The following CDC73 variants were observed in gnomAD, a reference collection of about 807,000 sequenced individuals.
CDC73 encodes cell division cycle 73, also known as parafibromin.
CDC73 carries 21 observed loss-of-function variants against 83.7 expected under a neutral mutation model. That is an observed-to-expected ratio of 0.25 (90% CI 0.18 to 0.36). The LOEUF is 0.36. Ranked by LOEUF, CDC73 falls within the 10% of genes least tolerant of loss-of-function variation. The probability of loss-of-function intolerance (pLI) is 1.00; values close to 1 mark genes in which losing one functional copy is unlikely to be tolerated. For synonymous variants in CDC73, 224 were observed against 212.9 expected (o/e 1.05, Z -0.45); for missense variants, 342 against 653.3 (o/e 0.52, Z 5.19).
intron 11 of CDC73, among the ~76,000 whole-genome samples, chr1:193,211,007 A>C (rs1310311785): frequency 6.6e-6 from 1 of 152,218 alleles, no homozygotes; most frequent in Non-Finnish European, 1.5e-5. Context: ...CTCTTTTCAC[A>C]GTTATTACAG....
chr1:193,164,074 T>A (rs1310859756), intron 10 of CDC73, among the ~76,000 whole-genome samples: 1 of 152,208 alleles, frequency 6.6e-6, no homozygotes, highest in Non-Finnish European at 1.5e-5. Context: ...CCCAGCCCAG[T>A]ATAGTAGATT....
chr1:193,178,375 T>G (rs74771502), intron 10 of CDC73, among the ~76,000 whole-genome samples: 3,006 of 152,230 alleles, frequency 0.02, 96 homozygotes, highest in African/African-American at 0.068. Context: ...CTGTTATCTG[T>G]TTTTCATGAG....
chr1:193,212,602 C>T, intron 13 of CDC73, 125 bp downstream of exon 13: 2 of 566,434 alleles, frequency 3.5e-6, no homozygotes, highest in South Asian at 3.1e-5. Context: ...ATAGGCCTTA[C>T]ACATAGTATG....
At position 193,122,101 on chromosome 1, in the gene CDC73, CGAA is replaced by C. The variant is rs1675458427; in HGVS notation, c.-98_-96del. 6 of 1,205,248 alleles carry C rather than the reference CGAA, an allele frequency of 5.0e-6. No homozygotes were observed. The South Asian group carries it at 7.5e-5, about 15-fold the overall frequency. 74.7% of individuals were successfully genotyped at this position (1,205,248 alleles called of 1,614,324 possible). A position where few individuals can be genotyped will look rare whatever the true frequency, so the allele number is the denominator to read the frequency against. On this transcript the variant is annotated 5_prime_UTR_variant, in exon 1 of 17. Coordinates refer to ENST00000367435, the MANE Select transcript of CDC73 (RefSeq NM_024529.5). ...TGCTGCTGTTGGTTCGTCGCGGCGG[CGAA>C]GGAGGAGGAGGAAGAGGGCGAGGCG...
At chr1:193,194,704 A>G (rs1018415273) in intron 10 of CDC73, among the ~76,000 whole-genome samples, 5 of 152,146 alleles carry the variant, frequency 3.3e-5, no homozygotes, top group African/African-American at 9.6e-5. Flanking sequence ...AAACATTTCA[A>G]CTACATTCAC....
intron 10 of CDC73, among the ~76,000 whole-genome samples, chr1:193,171,127 T>G (rs1184185855): frequency 6.6e-6 from 1 of 152,236 alleles, no homozygotes; most frequent in Non-Finnish European, 1.5e-5. Flanking sequence ...TAGCCTCTGC[T>G]GAACACTGCA....
At chr1:193,151,851 G>C (rs1676118440) in intron 9 of CDC73, among the ~76,000 whole-genome samples, 2 of 152,158 alleles carry the variant, frequency 1.3e-5, no homozygotes, top group South Asian at 4.1e-4. Context: ...TTGAACCTGT[G>C]GAGGGGGGAT....
At chr1:193,128,807 A>T (rs1384474929) in intron 2 of CDC73, among the ~76,000 whole-genome samples, 1 of 152,192 alleles carries the variant, frequency 6.6e-6, no homozygotes, top group Admixed American at 6.5e-5. Flanking sequence ...ATATAAGGTC[A>T]TTGGCCAAAG....
At chr1:193,230,417 G>A (rs919497060) in intron 13 of CDC73, among the ~76,000 whole-genome samples, 9 of 148,796 alleles carry the variant, frequency 6.0e-5, no homozygotes, top group African/African-American at 2.2e-4. Context: ...AAAGTGCTGG[G>A]ATTACAGGCA....
chr1:193,204,677 A>G (rs1292950121), intron 11 of CDC73, among the ~76,000 whole-genome samples: 1 of 152,196 alleles, frequency 6.6e-6, no homozygotes, highest in Non-Finnish European at 1.5e-5. Flanking sequence ...TCAATAATGG[A>G]TTTATACTAT....
intron 11 of CDC73, among the ~76,000 whole-genome samples, chr1:193,207,048 A>G (rs149494938): frequency 5.1e-4 from 78 of 152,282 alleles, no homozygotes; most frequent in African/African-American, 1.5e-3. Flanking sequence ...TATTTTCCCT[A>G]AGTGTCAGCC....
chr1:193,189,081 G>A (rs917593434), intron 10 of CDC73, among the ~76,000 whole-genome samples: 3 of 151,784 alleles, frequency 2.0e-5, no homozygotes, highest in African/African-American at 7.3e-5. Flanking sequence ...AGCCTGCCGA[G>A]TACCTGGGAT....
chr1:193,254,117 C>T lies in CDC73; in HGVS notation c.*3405C>T, dbSNP rs1382549470. Reference sequence around the variant, plus strand: ...ATGCAAAATTATGAGTAAGATAAGTCTTTTTAAATTTTTTATTTTTAATTT... The same window carrying T: ...ATGCAAAATTATGAGTAAGATAAGTTTTTTTAAATTTTTTATTTTTAATTT... On this transcript the variant is annotated 3_prime_UTR_variant, in exon 17 of 17. Transcript: ENST00000367435. Among the ~76,000 whole-genome samples the T allele has an allele frequency of 6.6e-6, 1 of 151,592 alleles. No individual in the cohort carries two copies. Among genetic ancestry groups the T allele is most frequent in the African/African-American group, 2.4e-5 (1 of 41,328 alleles).
At chr1:193,167,215 A>G (rs1435741879) in intron 10 of CDC73, among the ~76,000 whole-genome samples, 1 of 152,134 alleles carries the variant, frequency 6.6e-6, no homozygotes, top group Admixed American at 6.5e-5. Flanking sequence ...TTTAACTACC[A>G]TTTGTTTGGT....
intron 10 of CDC73, among the ~76,000 whole-genome samples, chr1:193,172,235 AC>A (rs1430691741): frequency 8.0e-6 from 1 of 124,684 alleles, no homozygotes; most frequent in African/African-American, 2.9e-5. Context: ...GATTTTTGGT[AC>A]CTTTTTTTTT....
At chr1:193,141,815 C>G (rs376650708) in intron 6 of CDC73, 35 bp from the exon 7 acceptor site, 55 of 1,331,920 alleles carry the variant, frequency 4.1e-5, no homozygotes, top group Non-Finnish European at 5.4e-5. Flanking sequence ...CCAGGAATGC[C>G]TGCTGTGAAA....
intron 10 of CDC73, among the ~76,000 whole-genome samples, chr1:193,194,341 C>G (rs1341600204): frequency 1.3e-5 from 2 of 152,144 alleles, no homozygotes; most frequent in African/African-American, 4.8e-5. Flanking sequence ...CAGTGATTTT[C>G]TCAAAGTTCC....
chr1:193,214,434 T>C (rs1271383417), intron 13 of CDC73, among the ~76,000 whole-genome samples: 1 of 152,102 alleles, frequency 6.6e-6, no homozygotes, highest in East Asian at 1.9e-4. Context: ...ATGCAGATTA[T>C]TGGCTGGGCA....
chr1:193,244,793 G>A (rs994964189), intron 15 of CDC73, among the ~76,000 whole-genome samples: 3 of 152,036 alleles, frequency 2.0e-5, no homozygotes, highest in South Asian at 2.1e-4. Context: ...CCTTCCACAC[G>A]TGTATTATGT....
Sources: gnomAD v4.1 joint callset for allele counts (sites outside exome capture counted in the v4.1 genomes callset) on GRCh38, gnomAD v4.1.1 for gene constraint, MANE v1.5 for transcripts, NCBI Gene and HGNC (gene_info 2026-07-23, HGNC 2026-07-21) for gene names.